Variants in MKLN1 observed in about 807,000 individuals in gnomAD.
The protein encoded by MKLN1 is muskelin.
A neutral mutation model predicts 99.0 loss-of-function variants in MKLN1; 18 were observed. That is an observed-to-expected ratio of 0.18 (90% CI 0.13 to 0.27). The LOEUF (loss-of-function observed/expected upper bound fraction) is 0.27. MKLN1 is among the 10% of genes least tolerant of loss of function. MKLN1 has a pLI of 1.00. For synonymous variants in MKLN1, 288 were observed against 293.2 expected, an observed-to-expected ratio of 0.98 and a Z score of 0.18; for missense variants, 621 against 875.9, an observed-to-expected ratio of 0.71 and a Z score of 3.67.
intron 3 of MKLN1, among the ~76,000 whole-genome samples, chr7:131,215,214 A>C (rs1796963051): frequency 6.6e-6 from 1 of 151,992 alleles, no homozygotes; most frequent in African/African-American, 2.4e-5. Flanking sequence ...ACACCAGCTA[A>C]TTTTTGTATT....
intron 2 of MKLN1, among the ~76,000 whole-genome samples, chr7:131,186,853 G>A (rs1796459053): frequency 6.6e-6 from 1 of 152,190 alleles, no homozygotes; most frequent in African/African-American, 2.4e-5. Flanking sequence ...CGGGCTGAAG[G>A]TTGAGGGTGA....
chr7:131,278,210 G>C (rs1422541825), intron 3 of MKLN1, among the ~76,000 whole-genome samples: 1 of 151,788 alleles, frequency 6.6e-6, no homozygotes, highest in Admixed American at 6.6e-5. Context: ...GCTAATTTTT[G>C]TATTTTTTGT....
At chr7:131,257,727 G>C (rs1797676811) in intron 3 of MKLN1, among the ~76,000 whole-genome samples, 1 of 152,114 alleles carries the variant, frequency 6.6e-6, no homozygotes, top group Admixed American at 6.5e-5. Context: ...AGAAGGGAGG[G>C]AAGGGGAAGG....
intron 1 of MKLN1, among the ~76,000 whole-genome samples, chr7:131,137,814 A>T (rs1050851452): frequency 1.3e-5 from 2 of 151,930 alleles, no homozygotes; most frequent in African/African-American, 4.8e-5. Flanking sequence ...ACCTCAGGTG[A>T]TCCACCTGCC....
chr7:131,276,686 C>T (rs565205419), intron 3 of MKLN1, among the ~76,000 whole-genome samples: 1 of 152,314 alleles, frequency 6.6e-6, no homozygotes, highest in East Asian at 1.9e-4. Flanking sequence ...CGTGGACAAG[C>T]AGCATGAATG....
chr7:131,125,079 T>C (rs1428177755), intron 1 of MKLN1, among the ~76,000 whole-genome samples: 1 of 152,252 alleles, frequency 6.6e-6, no homozygotes, highest in Non-Finnish European at 1.5e-5. Context: ...TGCAGTCAAC[T>C]ACTCCTAGCA....
intron 2 of MKLN1, among the ~76,000 whole-genome samples, chr7:131,148,873 G>T (rs1795850807): frequency 6.6e-6 from 1 of 152,166 alleles, no homozygotes; most frequent in Non-Finnish European, 1.5e-5. Context: ...GAAAGAATTG[G>T]TTTTTAAAAC....
chr7:131,110,254 G>C (rs79845865), intron 1 of MKLN1: 2,416 of 161,300 alleles, frequency 0.015, 79 homozygotes, highest in African/African-American at 0.056. Flanking sequence ...GAGCGCGCAG[G>C]GGGGTAAGGT....
chr7:131,426,384 G>A (rs1795358215), intron 8 of MKLN1, among the ~76,000 whole-genome samples: 1 of 152,022 alleles, frequency 6.6e-6, no homozygotes, highest in African/African-American at 2.4e-5. Context: ...ATTTAACAGG[G>A]TTAATTTCCT....
At chr7:131,480,869 A>G (rs1317678604) in intron 17 of MKLN1, among the ~76,000 whole-genome samples, 2 of 152,234 alleles carry the variant, frequency 1.3e-5, no homozygotes, top group African/African-American at 2.4e-5. Flanking sequence ...GCACTAAACT[A>G]TCTCTAACTG....
chr7:131,449,462 A>G (rs968843972), intron 12 of MKLN1, among the ~76,000 whole-genome samples: 6 of 152,138 alleles, frequency 3.9e-5, no homozygotes, highest in African/African-American at 9.7e-5. Context: ...AATTTTGACA[A>G]TGTTCCTGTG....
intron 3 of MKLN1, among the ~76,000 whole-genome samples, chr7:131,209,764 C>T (rs1173433366): frequency 6.6e-6 from 1 of 152,188 alleles, no homozygotes; most frequent in Admixed American, 6.5e-5. Context: ...TCAATCCCCT[C>T]ATCTCCTTTG....
At chr7:131,301,929 G>C (rs1186643513) in intron 3 of MKLN1, among the ~76,000 whole-genome samples, 1 of 152,152 alleles carries the variant, frequency 6.6e-6, no homozygotes, top group Middle Eastern at 3.2e-3. Context: ...TTTCCATTTA[G>C]AGTGGCCTTC....
intron 3 of MKLN1, among the ~76,000 whole-genome samples, chr7:131,233,883 TC>T (rs1397683675): frequency 6.6e-6 from 1 of 152,170 alleles, no homozygotes; most frequent in African/African-American, 2.4e-5. Flanking sequence ...TTATGTTTTT[TC>T]TAGATCTTCC....
intron 2 of MKLN1, among the ~76,000 whole-genome samples, chr7:131,160,341 A>C (rs1204214743): frequency 6.6e-6 from 1 of 151,872 alleles, no homozygotes; most frequent in Non-Finnish European, 1.5e-5. Context: ...GGTGGTTTCC[A>C]TTTCTTGGCT....
At chr7:131,352,595 G>A (rs1362807333) in intron 1 of MKLN1, among the ~76,000 whole-genome samples, 2 of 151,766 alleles carry the variant, frequency 1.3e-5, no homozygotes, top group Non-Finnish European at 2.9e-5. Flanking sequence ...TGTGTGTGTG[G>A]TGCACATAAA....
chr7:131,302,554 A>G (rs1798391652), intron 3 of MKLN1, among the ~76,000 whole-genome samples: 1 of 152,166 alleles, frequency 6.6e-6, no homozygotes, highest in Admixed American at 6.5e-5. Flanking sequence ...TCATTTTGTC[A>G]GCTTCGTTTA....
At chr7:131,140,119 G>T (rs541813561) in intron 1 of MKLN1, among the ~76,000 whole-genome samples, 1 of 152,114 alleles carries the variant, frequency 6.6e-6, no homozygotes, top group Admixed American at 6.5e-5. Flanking sequence ...CTGCCTCCCC[G>T]GACCCTGCTC....
chr7:131,164,119 T>C (rs1283845233), intron 2 of MKLN1, among the ~76,000 whole-genome samples: 2 of 152,208 alleles, frequency 1.3e-5, no homozygotes, highest in South Asian at 2.1e-4. Context: ...TTTTTGTTTT[T>C]GTTTTTTCTT....
Sources: gnomAD v4.1 joint callset for allele counts (sites outside exome capture counted in the v4.1 genomes callset) on GRCh38, gnomAD v4.1.1 for gene constraint, MANE v1.5 for transcripts, NCBI Gene and HGNC (gene_info 2026-07-23, HGNC 2026-07-21) for gene names.